The following DNAH14 variants were observed in gnomAD, a reference collection of about 807,000 sequenced individuals.
The protein encoded by DNAH14 is axonemal beta dynein heavy chain 14.
Under a neutral mutation model 520.9 loss-of-function variants are expected in DNAH14, and 478 were observed. That is an observed-to-expected ratio of 0.92 (90% CI 0.85 to 0.99). DNAH14 has a LOEUF of 0.99. Among genes scored for constraint, DNAH14 ranks in the 50% least tolerant of loss-of-function variants. The pLI is 0.00. For synonymous variants in DNAH14, 1,581 were observed against 1,757.2 expected, an observed-to-expected ratio of 0.90 and a Z score of 2.51; for missense variants, 4,831 against 5,234.5, an observed-to-expected ratio of 0.92 and a Z score of 2.38.
chr1:225,174,392 G>T (rs1479281038), intron 36 of DNAH14, among the ~76,000 whole-genome samples: 1 of 152,006 alleles, frequency 6.6e-6, no homozygotes, highest in Non-Finnish European at 1.5e-5. Context: ...TATATGTTTT[G>T]TAGAGATCTT....
chr1:225,346,395 A>C lies in DNAH14; in HGVS notation c.11097+15A>C. 1 of 1,527,038 alleles carries C rather than the reference A, an allele frequency of 6.5e-7. No individual in the cohort carries two copies. The highest frequency in any genetic ancestry group is 8.8e-7 in the Non-Finnish European group (1 of 1,138,520). The allele number at this position is 1,527,038 out of a possible 1,614,324, so 94.6% of individuals were successfully genotyped here. ...GTATTTTTAAGGTGAGATATTCTTT[A>C]GTGTGAATTTTACATGCTTATTTAA... On this transcript the variant is annotated intron_variant, in intron 70 of 85. Transcript: ENST00000682510.
At chr1:225,378,615 G>A (rs1368668672) in intron 79 of DNAH14, among the ~76,000 whole-genome samples, 2 of 152,144 alleles carry the variant, frequency 1.3e-5, no homozygotes. Context: ...GGCGCGGTGG[G>A]CTCACGCCTG....
intron 42 of DNAH14, among the ~76,000 whole-genome samples, chr1:225,240,252 CAT>C (rs1439961035): frequency 2.0e-5 from 3 of 149,674 alleles, no homozygotes; most frequent in African/African-American, 4.9e-5. Flanking sequence ...ATATATTAAG[CAT>C]ATATATGTAT....
At position 225,185,363 on chromosome 1, in the gene DNAH14, G is replaced by A. The variant is rs1449462654; in HGVS notation, c.5608G>A (p.Ala1870Thr). 3 of 1,547,844 alleles carry A rather than the reference G, an allele frequency of 1.9e-6. No individual in the cohort carries two copies. Among genetic ancestry groups the A allele is most frequent in the Admixed American group, 2.0e-5 (1 of 50,312 alleles). ...KTTVRRILEK[A>T]LTLLPIADFL... Reference sequence around the variant, plus strand: ...AACAGTCAGAAGAATTTTGGAAAAAGCATTAACGCTATTACCAATTGCAGA... The same window carrying A: ...AACAGTCAGAAGAATTTTGGAAAAAACATTAACGCTATTACCAATTGCAGA... The change falls in exon 37 of 86, where the codon GCA becomes ACA. Residue 1870 changes from alanine (A) to threonine (T), a missense_variant. By Grantham distance (58) the Ala-to-Thr change is moderately conservative (BLOSUM62 0). Coordinates refer to ENST00000682510, the MANE Select transcript of DNAH14 (RefSeq NM_001367479.1).
chr1:225,176,067 A>G (rs549712055), intron 36 of DNAH14, among the ~76,000 whole-genome samples: 2 of 152,116 alleles, frequency 1.3e-5, no homozygotes, highest in Non-Finnish European at 2.9e-5. Flanking sequence ...CTTCCTTCTT[A>G]AAGGAAAGAA....
rs769073097 is a variant in DNAH14 at position 225,080,650 on chromosome 1, CT to C, written c.3040del (p.Trp1014GlyfsTer13). 6.4e-7 allele frequency: 1 copy of C among 1,552,058 alleles called. No homozygotes were observed. Among genetic ancestry groups the C allele is most frequent in the South Asian group, 1.2e-5 (1 of 84,064 alleles). ...GCACAAGAGGAGTGGAAGCGAGCCT[CT>C]TGGGAATGGAGGAATAGTTCTCTTC... ...WEAQEEWKRA[S>X]WEWRNSSLQS... On this transcript the variant is annotated frameshift_variant, in exon 19 of 86. Coordinates refer to ENST00000682510, the MANE Select transcript of DNAH14 (RefSeq NM_001367479.1). LOFTEE classifies it high-confidence loss of function.
chr1:225,305,115 A>T (rs1175625200), intron 58 of DNAH14, 26 bp downstream of exon 58: 2 of 1,506,116 alleles, frequency 1.3e-6, no homozygotes, highest in African/African-American at 2.9e-5. Context: ...CAAATCATAA[A>T]TATATTTTAT....
intron 55 of DNAH14, among the ~76,000 whole-genome samples, chr1:225,299,458 G>A (rs146795792): frequency 9.2e-5 from 14 of 151,962 alleles, no homozygotes; most frequent in Admixed American, 7.9e-4. Context: ...TCATATCTAC[G>A]AAACTCCATA....
intron 35 of DNAH14, among the ~76,000 whole-genome samples, chr1:225,160,979 A>G (rs759472709): frequency 2.6e-5 from 4 of 152,114 alleles, no homozygotes; most frequent in African/African-American, 4.8e-5. Flanking sequence ...TCCTTTTACT[A>G]ATATAAGCTT....
chr1:224,994,228 T>G (rs538952521), intron 8 of DNAH14, among the ~76,000 whole-genome samples: 1 of 152,024 alleles, frequency 6.6e-6, no homozygotes, highest in Non-Finnish European at 1.5e-5. Flanking sequence ...CAATTTTTTT[T>G]ATGAATTTTC....
chr1:225,208,935 C>T (rs191807978), intron 41 of DNAH14, among the ~76,000 whole-genome samples: 14 of 152,232 alleles, frequency 9.2e-5, no homozygotes, highest in African/African-American at 3.4e-4. Flanking sequence ...CCAGCATTTC[C>T]ATTGACCTTC....
chr1:225,235,020 T>A (rs575555408), intron 42 of DNAH14, among the ~76,000 whole-genome samples: 44 of 152,314 alleles, frequency 2.9e-4, no homozygotes, highest in Non-Finnish European at 5.4e-4. Flanking sequence ...TCTCTTCCTA[T>A]ATGAATACAC....
chr1:225,285,336 G>T (rs1349596675), intron 54 of DNAH14, among the ~76,000 whole-genome samples: 1 of 152,052 alleles, frequency 6.6e-6, no homozygotes, highest in African/African-American at 2.4e-5. Flanking sequence ...ATCACTCGAG[G>T]CCAGGAGTTT....
At chr1:225,393,087 A>T (rs960034861) in intron 84 of DNAH14, among the ~76,000 whole-genome samples, 1 of 152,232 alleles carries the variant, frequency 6.6e-6, no homozygotes, top group African/African-American at 2.4e-5. Flanking sequence ...CTGGGGAGGA[A>T]GGGGAGACAG....
rs746576812 is a variant in DNAH14, at chr1:224,946,915, CT to C, written c.-33-5735del. Among the ~76,000 whole-genome samples, 289 of 108,240 alleles carry C rather than the reference CT, an allele frequency of 2.7e-3. 1 individual carries two copies. The highest frequency in any genetic ancestry group is 7.2e-3 in the African/African-American group (188 of 26,062). 71.0% of individuals were successfully genotyped at this position (108,240 alleles called of 152,430 possible). ...TTGTTGTATATCAACGTTTCATCTACTTTTTTTTTTTTTTTTTTTTGAGACA... is the reference window on the plus strand; with the variant it reads ...TTGTTGTATATCAACGTTTCATCTACTTTTTTTTTTTTTTTTTTTGAGACA... On this transcript the variant is annotated intron_variant, in intron 1 of 85. Coordinates refer to ENST00000682510, the MANE Select transcript of DNAH14 (RefSeq NM_001367479.1).
At chr1:225,186,495 T>C (rs1289642342) in intron 37 of DNAH14, among the ~76,000 whole-genome samples, 1 of 151,878 alleles carries the variant, frequency 6.6e-6, no homozygotes, top group African/African-American at 2.4e-5. Context: ...TAATTTGCTT[T>C]ATTAAAAACA....
intron 29 of DNAH14, 52 bp downstream of exon 29, chr1:225,144,680 A>G: frequency 2.8e-6 from 4 of 1,409,410 alleles, no homozygotes; most frequent in Non-Finnish European, 3.8e-6. Context: ...TCTGTCACAC[A>G]AACTTTGATG....
chr1:225,216,764 C>G (rs1370464985), intron 41 of DNAH14, among the ~76,000 whole-genome samples: 3 of 152,124 alleles, frequency 2.0e-5, no homozygotes, highest in Non-Finnish European at 2.9e-5. Context: ...TTAATGACTT[C>G]TCTACACTGT....
chr1:225,324,241 A>T lies in DNAH14; in HGVS notation c.9515A>T (p.Lys3172Ile). 6 of 1,551,728 alleles carry T rather than the reference A, an allele frequency of 3.9e-6. No individual in the cohort carries two copies. The highest frequency in any genetic ancestry group is 5.2e-6 in the Non-Finnish European group (6 of 1,147,002). Residue 3172 changes from lysine to isoleucine, a missense_variant, in exon 63 of 86, where the codon AAA becomes ATA. Coordinates refer to ENST00000682510, the MANE Select transcript of DNAH14 (RefSeq NM_001367479.1). ...CTCTAGGTTTTCGTGAAGCTAAAAA[A>T]AATTGTAACCTTACCTGATTTCAAC... ...IPDKVFVKLK[K>I]IVTLPDFNPH...
Sources: gnomAD v4.1 joint callset for allele counts (sites outside exome capture counted in the v4.1 genomes callset) on GRCh38, gnomAD v4.1.1 for gene constraint, MANE v1.5 for transcripts, NCBI Gene and HGNC (gene_info 2026-07-23, HGNC 2026-07-21) for gene names.